Variants in FSTL4 observed in about 807,000 individuals in gnomAD.
FSTL4 encodes follistatin-related protein 4.
In FSTL4, 28 loss-of-function variants were observed where a neutral mutation model predicts 78.2. The observed-to-expected ratio is 0.36, with a 90% CI of 0.27 to 0.49. The LOEUF is 0.49. FSTL4 is among the 20% of genes least tolerant of loss of function. FSTL4 has a pLI of 0.98. For missense variants in FSTL4, 922 were observed against 1,084.9 expected (o/e 0.85, Z 2.11); for synonymous variants, 422 against 440.5 (o/e 0.96, Z 0.53).
chr5:133,629,980 A>T, the FSTL4 span, among the ~76,000 whole-genome samples: 1 of 152,284 alleles, frequency 6.6e-6, no homozygotes, highest in Non-Finnish European at 1.5e-5. Flanking sequence ...TAAGCTAGGT[A>T]TTGATGCAAC....
intron 3 of FSTL4, among the ~76,000 whole-genome samples, chr5:133,562,258 C>T (rs1759930004): frequency 6.6e-6 from 1 of 152,184 alleles, no homozygotes; most frequent in South Asian, 2.1e-4. Context: ...TCAGCCACTT[C>T]ACATTATACC....
intron 3 of FSTL4, among the ~76,000 whole-genome samples, chr5:133,479,937 A>G (rs1757995750): frequency 6.6e-6 from 1 of 152,238 alleles, no homozygotes; most frequent in Non-Finnish European, 1.5e-5. Flanking sequence ...AATGCACAGC[A>G]GTGTGGCTAA....
rs2112988544 is a variant in FSTL4, at chr5:133,612,152, A to C, written c.-11+173T>G. ...CCAGCGGTCCCTTCCCCGCGGGCAA[A>C]CTTGGCTTTCCCGGCGCGGGCAGTA... On this transcript the variant is annotated intron_variant, in intron 1 of 15. Transcript: ENST00000265342. This position sits in a 1 kb window ranked among gnomAD's most constrained non-coding sequence, Gnocchi z 6.2. 6.6e-6 allele frequency among the ~76,000 whole-genome samples: 1 copy of C among 151,830 alleles called. No individual in the cohort carries two copies. Among genetic ancestry groups the C allele is most frequent in the African/African-American group, 2.4e-5 (1 of 41,460 alleles).
chr5:133,537,685 T>G (rs931456392), intron 3 of FSTL4, among the ~76,000 whole-genome samples: 6 of 151,964 alleles, frequency 3.9e-5, no homozygotes, highest in Non-Finnish European at 8.8e-5. Context: ...TTGATATCAT[T>G]TCAAACTCAC....
At chr5:133,384,347 G>A (rs577140438) in intron 4 of FSTL4, among the ~76,000 whole-genome samples, 6 of 152,192 alleles carry the variant, frequency 3.9e-5, no homozygotes, top group East Asian at 1.9e-4. Context: ...GACAGGGTGC[G>A]CCCTGACGAA....
chr5:133,352,029 T>A (rs537126476), intron 4 of FSTL4, among the ~76,000 whole-genome samples: 2 of 152,124 alleles, frequency 1.3e-5, no homozygotes, highest in East Asian at 3.9e-4. Context: ...TTAAATATTT[T>A]ATTTTGCTTT....
rs755494401 is a variant in FSTL4 at position 133,227,518 on chromosome 5, G to A, written c.1016-1699C>T. 2.0e-5 allele frequency among the ~76,000 whole-genome samples: 3 copies of A among 152,200 alleles called. No individual in the cohort carries two copies. In the South Asian group the frequency reaches 6.2e-4, roughly 32 times the overall value. ...AGAATTTTGGTCGGAATTCAGTAAC[G>A]CAGAGAGAGAACCAGGAGTACTGGC... is the stretch of plus-strand genomic sequence containing the variant. On this transcript the variant is annotated intron_variant, in intron 8 of 15. Transcript: ENST00000265342.
the FSTL4 span, among the ~76,000 whole-genome samples, chr5:133,711,470 C>T: frequency 6.6e-6 from 1 of 152,326 alleles, no homozygotes; most frequent in South Asian, 2.1e-4. Flanking sequence ...GTGTGAGGGG[C>T]CCCACCAACC....
chr5:133,771,817 T>C, the FSTL4 span, among the ~76,000 whole-genome samples: 1 of 152,190 alleles, frequency 6.6e-6, no homozygotes, highest in South Asian at 2.1e-4. Flanking sequence ...AAGAGAGCAA[T>C]AGCAGTTTGT....
intron 3 of FSTL4, among the ~76,000 whole-genome samples, chr5:133,450,944 C>G (rs988885669): frequency 6.6e-6 from 1 of 152,026 alleles, no homozygotes; most frequent in African/African-American, 2.4e-5. Context: ...GACTCTTCAC[C>G]CTGGAGGGGG....
chr5:133,779,570 A>G, the FSTL4 span, among the ~76,000 whole-genome samples: 1 of 151,958 alleles, frequency 6.6e-6, no homozygotes, highest in Non-Finnish European at 1.5e-5. Flanking sequence ...TGGGCGACAG[A>G]GCAAAACTCC....
intron 3 of FSTL4, among the ~76,000 whole-genome samples, chr5:133,470,880 T>C (rs1165763800): frequency 6.6e-6 from 1 of 151,722 alleles, no homozygotes; most frequent in Non-Finnish European, 1.5e-5. Context: ...AAGAGAATTT[T>C]CCAGAATATA....
the FSTL4 span, among the ~76,000 whole-genome samples, chr5:133,762,002 G>C: frequency 6.6e-6 from 1 of 152,134 alleles, no homozygotes; most frequent in Non-Finnish European, 1.5e-5. Flanking sequence ...CTGTTTGTTT[G>C]GCTTCCCCTG....
chr5:133,757,737 C>T, the FSTL4 span, among the ~76,000 whole-genome samples: 4 of 152,098 alleles, frequency 2.6e-5, no homozygotes, highest in Non-Finnish European at 4.4e-5. Flanking sequence ...CAAAGACACC[C>T]GAGGCTCTTC....
chr5:133,639,633 C>T, the FSTL4 span, among the ~76,000 whole-genome samples: 1 of 152,212 alleles, frequency 6.6e-6, no homozygotes, highest in Non-Finnish European at 1.5e-5. Flanking sequence ...GGATCTCCTA[C>T]TCTCGGGCCA....
intron 5 of FSTL4, among the ~76,000 whole-genome samples, 154 bp downstream of exon 5, chr5:133,316,305 C>A (rs1267826416): frequency 6.6e-6 from 1 of 152,046 alleles, no homozygotes; most frequent in Non-Finnish European, 1.5e-5. Flanking sequence ...TAAATAGAGG[C>A]TAAAGGTGGC....
the FSTL4 span, among the ~76,000 whole-genome samples, chr5:133,836,560 A>C: frequency 1.3e-5 from 2 of 152,044 alleles, no homozygotes; most frequent in African/African-American, 4.8e-5. Flanking sequence ...GGATGTATTT[A>C]TACTTTTTGT....
chr5:133,298,098 T>C (rs1425618213), intron 6 of FSTL4, among the ~76,000 whole-genome samples: 1 of 152,208 alleles, frequency 6.6e-6, no homozygotes, highest in African/African-American at 2.4e-5. Context: ...TGTAACTCTC[T>C]AGCTGAGAGG....
chr5:133,507,053 C>T (rs1410911533), intron 3 of FSTL4, among the ~76,000 whole-genome samples: 4 of 152,050 alleles, frequency 2.6e-5, no homozygotes, highest in African/African-American at 9.7e-5. Flanking sequence ...ACTAAAACTA[C>T]AAAAATTCGC....
Sources: allele counts gnomAD v4.1 joint callset (sites outside exome capture counted in the v4.1 genomes callset), GRCh38; gene constraint gnomAD v4.1.1; non-coding constraint Gnocchi (gnomAD v3.1); transcripts MANE v1.5; gene names NCBI Gene and HGNC (gene_info 2026-07-23, HGNC 2026-07-21).